Variants in SREK1IP1 observed in about 807,000 individuals in gnomAD.
SREK1IP1 encodes the protein SREK1 interacting protein 1.
Under a neutral mutation model 22.8 loss-of-function variants are expected in SREK1IP1, and 12 were observed. The observed-to-expected ratio is 0.53, with a 90% CI of 0.34 to 0.85. The LOEUF (loss-of-function observed/expected upper bound fraction) is 0.85. Ranked by LOEUF, SREK1IP1 falls within the 40% of genes least tolerant of loss-of-function variation. SREK1IP1 has a pLI of 0.02. For missense variants in SREK1IP1, 147 were observed against 171.8 expected (o/e 0.86, Z 0.81); for synonymous variants, 53 against 52.7 (o/e 1.01, Z -0.02).
rs968979982 is a variant in SREK1IP1 at position 64,719,982 on chromosome 5, G to C, written c.*4402C>G. On this transcript the variant is annotated 3_prime_UTR_variant, in exon 5 of 5. Coordinates refer to ENST00000513458, the MANE Select transcript of SREK1IP1 (RefSeq NM_173829.4). ...TCCCTGCTGAGCTAGCTTATCACTA[G>C]GTTACCTGAGGTAGAACCACAGGGC... The C allele has an allele frequency of 6.6e-6, 1 of 152,212 alleles. No individual in the cohort carries two copies. The highest frequency in any genetic ancestry group is 2.4e-5 in the African/African-American group (1 of 41,446). 9.4% of individuals were successfully genotyped at this position (152,212 alleles called of 1,614,324 possible).
Position 64,721,139 on chromosome 5 carries a change from T to A in SREK1IP1, c.*3245A>T, listed in dbSNP as rs1182494260. ...CTCTTCTAATTTATCCAGACTACTTTAGGTAACCCCGAGTTTCTATAAACT... is the reference window on the plus strand; with the variant it reads ...CTCTTCTAATTTATCCAGACTACTTAAGGTAACCCCGAGTTTCTATAAACT... On this transcript the variant is annotated 3_prime_UTR_variant, in exon 5 of 5. Transcript: ENST00000513458. The A allele has an allele frequency of 2.0e-5, 3 of 152,216 alleles. No homozygotes were observed. 9.4% of individuals were successfully genotyped at this position (152,216 alleles called of 1,614,324 possible). A position where few individuals can be genotyped will look rare whatever the true frequency, so the allele number is the denominator to read the frequency against.
intron 2 of SREK1IP1, among the ~76,000 whole-genome samples, chr5:64,753,347 T>C (rs7715912): frequency 0.063 from 9,589 of 152,234 alleles, 976 homozygotes; most frequent in African/African-American, 0.22. Flanking sequence ...CAAGTAGAAA[T>C]ATAAACAAAT....
intron 1 of SREK1IP1, among the ~76,000 whole-genome samples, chr5:64,762,087 C>T (rs1268002524): frequency 6.6e-6 from 1 of 152,142 alleles, no homozygotes; most frequent in Non-Finnish European, 1.5e-5. Flanking sequence ...ACCTATCTTT[C>T]CAAAGGCAAC....
chr5:64,752,142 G>GTT (rs1561389975), intron 2 of SREK1IP1, among the ~76,000 whole-genome samples: 3 of 101,190 alleles, frequency 3.0e-5, no homozygotes, highest in South Asian at 3.0e-4. Flanking sequence ...AATTTTTTTT[G>GTT]TGTGTTTTTT....
intron 2 of SREK1IP1, among the ~76,000 whole-genome samples, chr5:64,752,806 A>T (rs1268135548): frequency 6.6e-6 from 1 of 152,204 alleles, no homozygotes; most frequent in East Asian, 1.9e-4. Context: ...GCTAATTTGT[A>T]AATGAAATTT....
chr5:64,768,509 G>C lies in SREK1IP1; in HGVS notation c.9C>G (p.Val3=), dbSNP rs1198782349. 1 of 1,614,154 alleles carries C rather than the reference G, an allele frequency of 6.2e-7. No homozygotes were observed. Among genetic ancestry groups the C allele is most frequent in the African/African-American group, 1.3e-5 (1 of 75,038 alleles). ...GGCCCTGTAATTGCTCCTTACCTGG[G>C]ACTGCCATGACGGTGGTAAGAGGGG... MA[V]PGCNKDSVRA... is the part of the protein sequence containing the mutation. Residue 3 remains valine, a synonymous_variant, in exon 1 of 5, where the codon GTC becomes GTG. Transcript: ENST00000513458.
rs1742123814 is a variant in SREK1IP1, at chr5:64,719,703, C to G, written c.*4681G>C. 6.6e-6 allele frequency: 1 copy of G among 152,140 alleles called. No individual in the cohort carries two copies. Among genetic ancestry groups the G allele is most frequent in the Non-Finnish European group, 1.5e-5 (1 of 68,044 alleles). 9.4% of individuals were successfully genotyped at this position (152,140 alleles called of 1,614,324 possible). A position where few individuals can be genotyped will look rare whatever the true frequency, so the allele number is the denominator to read the frequency against. ...AAAATGCTCACTGCCCCAACTCCTC[C>G]CAATTTGTGGGAAAGGCATAGTGGG... On this transcript the variant is annotated 3_prime_UTR_variant, in exon 5 of 5. Transcript: ENST00000513458.
At chr5:64,758,221 T>G (rs911236569) in intron 1 of SREK1IP1, among the ~76,000 whole-genome samples, 2 of 151,998 alleles carry the variant, frequency 1.3e-5, no homozygotes, top group Non-Finnish European at 2.9e-5. Flanking sequence ...CAAGCTGGAG[T>G]GCAGTGGAGT....
At chr5:64,745,199 C>A (rs531683269) in intron 2 of SREK1IP1, among the ~76,000 whole-genome samples, 1 of 152,168 alleles carries the variant, frequency 6.6e-6, no homozygotes, top group Non-Finnish European at 1.5e-5. Flanking sequence ...GTTGTGGTTG[C>A]TGTTGACATA....
At chr5:64,762,079 C>T (rs1197462986) in intron 1 of SREK1IP1, among the ~76,000 whole-genome samples, 2 of 152,162 alleles carry the variant, frequency 1.3e-5, no homozygotes, top group African/African-American at 4.8e-5. Flanking sequence ...TTTACATCAC[C>T]TATCTTTCCA....
intron 3 of SREK1IP1, among the ~76,000 whole-genome samples, chr5:64,736,866 T>G (rs1742471239): frequency 6.6e-6 from 1 of 152,050 alleles, no homozygotes; most frequent in Non-Finnish European, 1.5e-5. Context: ...CTACTTGGTC[T>G]GACATTAAAA....
Position 64,724,311 on chromosome 5 carries a change from G to C in SREK1IP1, c.*73C>G. ...GATTTATTGCAAAGCATAATATATA[G>C]CAAATTCCAAGGAAGGGCAAACACG... On this transcript the variant is annotated 3_prime_UTR_variant, in exon 5 of 5. Coordinates refer to ENST00000513458, the MANE Select transcript of SREK1IP1 (RefSeq NM_173829.4). 1 of 1,336,772 alleles carries C rather than the reference G, an allele frequency of 7.5e-7. No individual in the cohort carries two copies. Among genetic ancestry groups the C allele is most frequent in the Non-Finnish European group, 1.0e-6 (1 of 984,322 alleles). 82.8% of individuals were successfully genotyped at this position (1,336,772 alleles called of 1,614,324 possible). A position where few individuals can be genotyped will look rare whatever the true frequency, so the allele number is the denominator to read the frequency against.
At chr5:64,727,673 T>C (rs919605307) in intron 4 of SREK1IP1, 4 of 151,932 alleles carry the variant, frequency 2.6e-5, no homozygotes, top group East Asian at 3.9e-4. Flanking sequence ...GCCTTCCACA[T>C]AGCTGGGAAC....
At chr5:64,727,984 T>A (rs1264292273) in intron 4 of SREK1IP1, 123 bp downstream of exon 4, 2 of 911,284 alleles carry the variant, frequency 2.2e-6, no homozygotes, top group Admixed American at 5.1e-5. Flanking sequence ...TTAAGCTCAA[T>A]GAAAAGCTTA....
Position 64,724,218 on chromosome 5 carries a change from C to T in SREK1IP1, c.*166G>A. On this transcript the variant is annotated 3_prime_UTR_variant, in exon 5 of 5. Coordinates refer to ENST00000513458, the MANE Select transcript of SREK1IP1 (RefSeq NM_173829.4). The stretch of plus-strand genomic sequence containing the variant: ...GATTTAATACTTTACAGTTACAGCA[C>T]ATTAAAAATATATTGCCAGAGGGAT... 1 of 571,386 alleles carries T rather than the reference C, an allele frequency of 1.8e-6. No individual in the cohort carries two copies. Among genetic ancestry groups the T allele is most frequent in the South Asian group, 3.3e-5 (1 of 30,344 alleles). The allele number at this position is 571,386 out of a possible 1,614,324, so 35.4% of individuals were successfully genotyped here. A position where few individuals can be genotyped will look rare whatever the true frequency, so the allele number is the denominator to read the frequency against.
At chr5:64,747,861 G>C (rs1338024062) in intron 2 of SREK1IP1, among the ~76,000 whole-genome samples, 1 of 152,030 alleles carries the variant, frequency 6.6e-6, no homozygotes, top group Non-Finnish European at 1.5e-5. Flanking sequence ...CTGGGAGGCA[G>C]AGGTTAGGTT....
Position 64,754,218 on chromosome 5 carries a change from C to T in SREK1IP1, c.61+97G>A, listed in dbSNP as rs182488326. On this transcript the variant is annotated intron_variant, in intron 2 of 4. Transcript: ENST00000513458. ...AGCTTAGGGCTAAAGGACTATGCAACTGGGCCCCTGAAATCAGGGTGCTAC... is the reference window on the plus strand; with the variant it reads ...AGCTTAGGGCTAAAGGACTATGCAATTGGGCCCCTGAAATCAGGGTGCTAC... 96 of 1,148,204 alleles carry T rather than the reference C, an allele frequency of 8.4e-5. No individual in the cohort carries two copies. In the East Asian group the frequency reaches 2.1e-3, roughly 25 times the overall value. 71.1% of individuals were successfully genotyped at this position (1,148,204 alleles called of 1,614,324 possible). A position where few individuals can be genotyped will look rare whatever the true frequency, so the allele number is the denominator to read the frequency against.
chr5:64,749,282 C>T (rs1742701687), intron 2 of SREK1IP1, among the ~76,000 whole-genome samples: 1 of 152,000 alleles, frequency 6.6e-6, no homozygotes, highest in Non-Finnish European at 1.5e-5. Flanking sequence ...TTTAGCTCTA[C>T]CTAAAATCCT....
chr5:64,764,304 G>A (rs1187032223), intron 1 of SREK1IP1, among the ~76,000 whole-genome samples: 2 of 152,168 alleles, frequency 1.3e-5, no homozygotes, highest in Non-Finnish European at 2.9e-5. Flanking sequence ...AATGTGCCAG[G>A]TTCCATAAAA....
Sources: gnomAD v4.1 joint callset for allele counts (sites outside exome capture counted in the v4.1 genomes callset) on GRCh38, gnomAD v4.1.1 for gene constraint, MANE v1.5 for transcripts, NCBI Gene and HGNC (gene_info 2026-07-23, HGNC 2026-07-21) for gene names.